CNTNAP2: variants seen among roughly 807,000 people sequenced by gnomAD.
CNTNAP2 encodes contactin associated protein 2.
Under a neutral mutation model 155.2 loss-of-function variants are expected in CNTNAP2, and 98 were observed. The ratio of observed to expected loss-of-function variants is 0.63; its 90% CI spans 0.54 to 0.75. The LOEUF is 0.75. Among genes scored for constraint, CNTNAP2 ranks in the 30% least tolerant of loss-of-function variants. CNTNAP2 has a pLI of 0.00. For synonymous variants in CNTNAP2, 651 were observed against 631.2 expected, an observed-to-expected ratio of 1.03 and a Z score of -0.47; for missense variants, 1,727 against 1,688.1, an observed-to-expected ratio of 1.02 and a Z score of -0.40.
chr7:146,674,825 G>A (rs1465669615), intron 1 of CNTNAP2, among the ~76,000 whole-genome samples: 1 of 152,192 alleles, frequency 6.6e-6, no homozygotes, highest in African/African-American at 2.4e-5. Context: ...GGGCTATTTA[G>A]TAAGGTTTGT....
At chr7:146,933,833 T>G (rs1476210134) in intron 3 of CNTNAP2, among the ~76,000 whole-genome samples, 1 of 151,888 alleles carries the variant, frequency 6.6e-6, no homozygotes, top group African/African-American at 2.4e-5. Context: ...AAAAAGCACA[T>G]GAAAAAATGC....
At chr7:148,011,162 T>C (rs1802074472) in intron 15 of CNTNAP2, among the ~76,000 whole-genome samples, 1 of 152,098 alleles carries the variant, frequency 6.6e-6, no homozygotes, top group African/African-American at 2.4e-5. Flanking sequence ...ATATATATAA[T>C]CATATAGTGT....
intron 12 of CNTNAP2, among the ~76,000 whole-genome samples, chr7:147,565,528 G>A: frequency 6.6e-6 from 1 of 152,160 alleles, no homozygotes. Flanking sequence ...AGCTATTATT[G>A]CAAAAGTCCA....
At chr7:148,120,971 A>T (rs1431546332) in intron 16 of CNTNAP2, among the ~76,000 whole-genome samples, 2 of 152,198 alleles carry the variant, frequency 1.3e-5, no homozygotes, top group African/African-American at 4.8e-5. Context: ...AAGAACATGG[A>T]GAAAAAAATG....
intron 22 of CNTNAP2, among the ~76,000 whole-genome samples, chr7:148,392,819 A>T (rs936040879): frequency 2.0e-5 from 3 of 152,082 alleles, no homozygotes; most frequent in Non-Finnish European, 4.4e-5. Flanking sequence ...CTTCTCCCAG[A>T]TATATTAGGA....
chr7:148,232,978 T>C (rs1365743571), intron 20 of CNTNAP2, among the ~76,000 whole-genome samples: 1 of 152,226 alleles, frequency 6.6e-6, no homozygotes, highest in Non-Finnish European at 1.5e-5. Context: ...GGGAACTGAC[T>C]GTAGTAGTTA....
At chr7:148,335,959 G>C (rs138614209) in intron 21 of CNTNAP2, among the ~76,000 whole-genome samples, 1 of 151,988 alleles carries the variant, frequency 6.6e-6, no homozygotes, top group African/African-American at 2.4e-5. Context: ...TAGGAGGAAG[G>C]TCACCCACCT....
At chr7:146,504,401 G>A (rs996504941) in intron 1 of CNTNAP2, among the ~76,000 whole-genome samples, 1 of 152,214 alleles carries the variant, frequency 6.6e-6, no homozygotes, top group Admixed American at 6.5e-5. Context: ...AAGCTGCTAT[G>A]TTTTGTTGAT....
At chr7:148,155,446 T>A (rs1805380744) in intron 17 of CNTNAP2, among the ~76,000 whole-genome samples, 1 of 152,126 alleles carries the variant, frequency 6.6e-6, no homozygotes. Flanking sequence ...TAAAATACAA[T>A]GGGAAAGTTT....
chr7:148,004,030 A>T (rs1801936340), intron 15 of CNTNAP2, among the ~76,000 whole-genome samples: 1 of 152,252 alleles, frequency 6.6e-6, no homozygotes. Flanking sequence ...TTCATTCAAT[A>T]AGAGGTTACA....
intron 15 of CNTNAP2, among the ~76,000 whole-genome samples, chr7:148,035,143 A>G (rs73168561): frequency 0.24 from 37,130 of 152,236 alleles, 4,817 homozygotes; most frequent in Middle Eastern, 0.35. Context: ...TATAATTAAA[A>G]AAGAAGTAGA....
At chr7:146,158,272 C>G (rs543803852) in intron 1 of CNTNAP2, among the ~76,000 whole-genome samples, 1 of 152,268 alleles carries the variant, frequency 6.6e-6, no homozygotes, top group Non-Finnish European at 1.5e-5. Context: ...GATAAAACCA[C>G]AAAGATGGGA....
At chr7:148,013,018 G>C (rs1457053347) in intron 15 of CNTNAP2, among the ~76,000 whole-genome samples, 2 of 152,174 alleles carry the variant, frequency 1.3e-5, no homozygotes, top group Non-Finnish European at 2.9e-5. Flanking sequence ...TTGTACGTGA[G>C]TGACAATTAT....
intron 1 of CNTNAP2, among the ~76,000 whole-genome samples, chr7:146,740,919 A>G (rs1358910541): frequency 6.6e-6 from 1 of 152,176 alleles, no homozygotes; most frequent in Non-Finnish European, 1.5e-5. Context: ...GTGTGAGGCT[A>G]TGTGGTCTCA....
intron 11 of CNTNAP2, among the ~76,000 whole-genome samples, chr7:147,521,274 T>A (rs1057025191): frequency 1.3e-5 from 2 of 152,176 alleles, no homozygotes; most frequent in African/African-American, 2.4e-5. Flanking sequence ...TGATCATAGT[T>A]CCACTATAAT....
Position 146,538,472 on chromosome 7 carries a change from G to A in CNTNAP2, c.98-235799G>A, listed in dbSNP as rs190064959. On this transcript the variant is annotated intron_variant, in intron 1 of 23. Transcript: ENST00000361727. ...ATGCTCTATTCATGGCACAGGGAGG[G>A]GTGCCATAGCCACAGTGGGCAATCT... Among the ~76,000 whole-genome samples the A allele has an allele frequency of 3.9e-3, 595 of 152,000 alleles. 2 individuals are homozygous for A. Among genetic ancestry groups the A allele is most frequent in the African/African-American group, 0.013 (555 of 41,454 alleles).
At chr7:147,195,102 G>T (rs1210355909) in intron 8 of CNTNAP2, among the ~76,000 whole-genome samples, 1 of 152,138 alleles carries the variant, frequency 6.6e-6, no homozygotes, top group African/African-American at 2.4e-5. Flanking sequence ...TTTGTATAAG[G>T]TGTAAGGAAG....
At chr7:146,663,296 AAAGAAAG>A (rs1800127254) in intron 1 of CNTNAP2, among the ~76,000 whole-genome samples, 1 of 88,954 alleles carries the variant, frequency 1.1e-5, no homozygotes, top group Non-Finnish European at 2.3e-5. Context: ...AAAAAAAAAA[AAAGAAAG>A]AAAGAAAAAG....
At chr7:147,890,340 G>A (rs1799669426) in intron 13 of CNTNAP2, among the ~76,000 whole-genome samples, 1 of 152,130 alleles carries the variant, frequency 6.6e-6, no homozygotes, top group African/African-American at 2.4e-5. Context: ...ATTGATCCAA[G>A]CATCCATCTT....
Sources: allele counts gnomAD v4.1 joint callset (sites outside exome capture counted in the v4.1 genomes callset), GRCh38; gene constraint gnomAD v4.1.1; transcripts MANE v1.5; gene names NCBI Gene and HGNC (gene_info 2026-07-23, HGNC 2026-07-21).